DDX60: variants seen among roughly 807,000 people sequenced by gnomAD.
DDX60 encodes the protein DExD/H-box helicase 60.
Under a neutral mutation model 212.8 loss-of-function variants are expected in DDX60, and 165 were observed. That is an observed-to-expected ratio of 0.78 (90% CI 0.68 to 0.88). The LOEUF (loss-of-function observed/expected upper bound fraction) is 0.88. Ranked by LOEUF, DDX60 falls within the 40% of genes least tolerant of loss-of-function variation. The pLI, the probability that DDX60 is intolerant of heterozygous loss-of-function variation, is 0.00. For missense variants in DDX60, 1,905 were observed against 2,003.9 expected, an observed-to-expected ratio of 0.95 and a Z score of 0.94; for synonymous variants, 703 against 685.3, an observed-to-expected ratio of 1.03 and a Z score of -0.40.
At chr4:168,294,052 A>G in intron 6 of DDX60, 107 bp from the exon 7 acceptor site, 5 of 1,009,772 alleles carry the variant, frequency 5.0e-6, no homozygotes, top group Non-Finnish European at 6.9e-6. Context: ...GTGTGACAAA[A>G]TAATCTGTAC....
At chr4:168,321,206 T>G (rs1737605445), upstream of DDX60, among the ~76,000 whole-genome samples, 1 of 152,132 alleles carries the variant, frequency 6.6e-6, no homozygotes, top group African/African-American at 2.4e-5. Context: ...TTCTGAAGCT[T>G]GATAGTCACG....
At chr4:168,280,183 A>T in intron 14 of DDX60, 152 bp downstream of exon 14, 1 of 970,120 alleles carries the variant, frequency 1.0e-6, no homozygotes, top group Non-Finnish European at 1.5e-6. Flanking sequence ...CCCGGCAGGT[A>T]GCGGGAAACT....
At chr4:168,321,746 CT>C (rs1302185033), upstream of DDX60, among the ~76,000 whole-genome samples, 6 of 152,298 alleles carry the variant, frequency 3.9e-5, no homozygotes, top group East Asian at 1.2e-3. Context: ...CTCAAGCATC[CT>C]AGCCCATCAT....
Position 168,293,914 on chromosome 4 carries a change from A to C in DDX60, c.755T>G (p.Val252Gly). ...AHKTVSLLTQ[V>G]WPEGSDIRRV... ...CCGAATGTCAGATCCTTCTGGCCAG[A>C]CTTGTGTAAGCAGAGATACAGTCTT... The change falls in exon 7 of 38, where the codon GTC (valine) becomes GGC (glycine). Residue 252 changes from valine (V) to glycine (G), a missense_variant. Val to Gly is a moderately radical substitution (Grantham distance 109). Coordinates refer to ENST00000393743, the MANE Select transcript of DDX60 (RefSeq NM_017631.6). 1 of 1,613,700 alleles carries C rather than the reference A, an allele frequency of 6.2e-7. No homozygotes were observed. The highest frequency in any genetic ancestry group is 8.5e-7 in the Non-Finnish European group (1 of 1,179,894).
chr4:168,270,591 A>G (rs1036888092), intron 19 of DDX60, among the ~76,000 whole-genome samples: 1 of 152,238 alleles, frequency 6.6e-6, no homozygotes, highest in African/African-American at 2.4e-5. Context: ...TCAAAGTTCT[A>G]GATTGCACAG....
At chr4:168,277,691 C>T (rs911556809) in intron 14 of DDX60, among the ~76,000 whole-genome samples, 3 of 151,480 alleles carry the variant, frequency 2.0e-5, no homozygotes, top group African/African-American at 7.3e-5. Context: ...CGCCTGTAGT[C>T]CCAGCTACTC....
chr4:168,254,977 G>A (rs2149507654), intron 26 of DDX60, among the ~76,000 whole-genome samples: 1 of 152,296 alleles, frequency 6.6e-6, no homozygotes, highest in Non-Finnish European at 1.5e-5. Flanking sequence ...CGAGGGCAAA[G>A]GAAGAACATT....
chr4:168,253,054 C>T (rs537535566), intron 26 of DDX60, among the ~76,000 whole-genome samples: 2 of 152,286 alleles, frequency 1.3e-5, no homozygotes, highest in African/African-American at 2.4e-5. Flanking sequence ...CCACCTGCCT[C>T]GGCCTCCCAA....
intron 6 of DDX60, among the ~76,000 whole-genome samples, chr4:168,294,647 T>C (rs1193176629): frequency 6.6e-6 from 1 of 152,032 alleles, no homozygotes; most frequent in Non-Finnish European, 1.5e-5. Context: ...ATTACAGGCA[T>C]GTGCCACTAC....
Position 168,309,300 on chromosome 4 carries a change from C to T in DDX60, c.75-1105G>A, listed in dbSNP as rs1228684373. Among the ~76,000 whole-genome samples the T allele has an allele frequency of 2.0e-5, 3 of 152,110 alleles. No individual in the cohort carries two copies. In the East Asian group the frequency reaches 5.8e-4, roughly 29 times the overall value. On this transcript the variant is annotated intron_variant, in intron 3 of 37. Transcript: ENST00000393743. ...TGCCATTAGTGATGCCAGAAGTGTTCCCAAAAAGCAGAGAAAGTCATGACA... is the reference window on the plus strand; with the variant it reads ...TGCCATTAGTGATGCCAGAAGTGTTTCCAAAAAGCAGAGAAAGTCATGACA...
At chr4:168,305,772 T>C (rs62334661) in intron 5 of DDX60, among the ~76,000 whole-genome samples, 2,312 of 152,072 alleles carry the variant, frequency 0.015, 34 homozygotes, top group Non-Finnish European at 0.022. Context: ...GAATTCGAAC[T>C]CTAAGAACTT....
chr4:168,250,920 A>G (rs1734198007), intron 28 of DDX60, 34 bp downstream of exon 28: 4 of 1,507,320 alleles, frequency 2.7e-6, no homozygotes, highest in Non-Finnish European at 3.6e-6. Context: ...AACAGTCACA[A>G]TTTCAATTTT....
At chr4:168,325,819 T>G in the DDX60 span, among the ~76,000 whole-genome samples, 1 of 152,264 alleles carries the variant, frequency 6.6e-6, no homozygotes, top group Non-Finnish European at 1.5e-5. Context: ...TGGCATTTCT[T>G]AAATACTTAA....
At position 168,300,051 on chromosome 4, in the gene DDX60, G is replaced by A. The variant is rs1460919015; in HGVS notation, c.723+2249C>T. On this transcript the variant is annotated intron_variant, in intron 6 of 37. Transcript: ENST00000393743. Reference sequence around the variant, plus strand: ...CTGATGCAAAAATTCTAAACAAAATGTTAGTAAACAGAATCCAACACCATA... The same window carrying A: ...CTGATGCAAAAATTCTAAACAAAATATTAGTAAACAGAATCCAACACCATA... Among the ~76,000 whole-genome samples, 8 of 152,070 alleles carry A rather than the reference G, an allele frequency of 5.3e-5. 1 individual carries two copies. Among genetic ancestry groups the A allele is most frequent in the Admixed American group, 3.9e-4 (6 of 15,264 alleles).
At chr4:168,246,823 C>T (rs1734040391) in intron 29 of DDX60, among the ~76,000 whole-genome samples, 1 of 152,158 alleles carries the variant, frequency 6.6e-6, no homozygotes, top group African/African-American at 2.4e-5. Context: ...CATCTGTCAT[C>T]ATTACGTACG....
intron 14 of DDX60, among the ~76,000 whole-genome samples, chr4:168,278,502 G>A (rs1735447497): frequency 6.6e-6 from 1 of 152,170 alleles, no homozygotes; most frequent in Non-Finnish European, 1.5e-5. Context: ...CACAAATTCA[G>A]GAATAGGTTT....
chr4:168,276,752 C>A (rs1412078075), intron 14 of DDX60, among the ~76,000 whole-genome samples: 1 of 152,184 alleles, frequency 6.6e-6, no homozygotes, highest in Non-Finnish European at 1.5e-5. Flanking sequence ...GTCAGGGTTT[C>A]TTCTAATCAA....
intron 8 of DDX60, among the ~76,000 whole-genome samples, chr4:168,290,473 T>A (rs1736043468): frequency 6.6e-6 from 1 of 151,872 alleles, no homozygotes; most frequent in African/African-American, 2.4e-5. Context: ...GGACTACAGG[T>A]GCCTACCACC....
In DDX60 at chr4:168,291,814, A is replaced by G; in HGVS notation, c.975T>C (p.Ser325=). ...TVVFLLHLPL[S]QRACARVITS... is the part of the protein sequence containing the mutation. ...TGATGACTCTAGCACAAGCTCTTTG[A>G]GAAAGAGGCAGATGGAGTAGAAAAA... Residue 325 remains serine, a synonymous_variant, in exon 8 of 38, where the codon TCT becomes TCC. Coordinates refer to ENST00000393743, the MANE Select transcript of DDX60 (RefSeq NM_017631.6). The G allele has an allele frequency of 6.2e-7, 1 of 1,613,776 alleles. No homozygotes were observed. Among genetic ancestry groups the G allele is most frequent in the Non-Finnish European group, 8.5e-7 (1 of 1,179,800 alleles).
Sources: allele counts gnomAD v4.1 joint callset (sites outside exome capture counted in the v4.1 genomes callset), GRCh38; gene constraint gnomAD v4.1.1; transcripts MANE v1.5; gene names NCBI Gene and HGNC (gene_info 2026-07-23, HGNC 2026-07-21).